The following FCSK variants were observed in gnomAD, a reference collection of about 807,000 sequenced individuals.
The protein encoded by FCSK is fucose kinase.
FCSK carries 123 observed loss-of-function variants against 122.5 expected under a neutral mutation model. That is an observed-to-expected ratio of 1.00 (90% CI 0.87 to 1.17). FCSK has a LOEUF of 1.17. Among genes scored for constraint, FCSK ranks in the 50% most tolerant of loss-of-function variants. The pLI is 0.00. For synonymous variants in FCSK, 620 were observed against 625.5 expected (o/e 0.99, Z 0.13); for missense variants, 1,366 against 1,450.4 (o/e 0.94, Z 0.95).
chr16:70,469,344 C>A (rs1391984397), intron 10 of FCSK, 21 bp downstream of exon 10: 22 of 1,565,284 alleles, frequency 1.4e-5, no homozygotes, highest in Non-Finnish European at 1.9e-5. Flanking sequence ...CCTCTCAGCT[C>A]CCTGGGGTGG....
intron 1 of FCSK, among the ~76,000 whole-genome samples, chr16:70,458,132 G>A (rs1480906085): frequency 6.7e-6 from 1 of 149,174 alleles, no homozygotes; most frequent in Admixed American, 6.7e-5. Context: ...AGTCCTAGTG[G>A]CTATTATTAA....
chr16:70,474,836 T>C lies in FCSK; in HGVS notation c.2202T>C (p.Ala734=). The C allele has an allele frequency of 1.3e-6, 2 of 1,594,360 alleles. No individual in the cohort carries two copies. The highest frequency in any genetic ancestry group is 2.7e-5 in the African/African-American group (2 of 74,708). ...CCCTTGCCTATGAGCTTGGCGGGGC[T>C]GTGCTGGGCCTGGCTGTGCGAGTGG... ...TPPLAYELGG[A]VLGLAVRVDG... Residue 734 remains alanine (A), a synonymous_variant, in exon 18 of 24, where the codon GCT becomes GCC. Coordinates refer to ENST00000288078, the MANE Select transcript of FCSK (RefSeq NM_145059.3).
At position 70,473,014 on chromosome 16, in the gene FCSK, C is replaced by G. The variant is rs750773096; in HGVS notation, c.1438C>G (p.Pro480Ala). Residue 480 changes from proline (P) to alanine (A), a missense_variant, in exon 15 of 24, where the codon CCC (proline) becomes GCC (alanine). Physicochemically the swap from Pro to Ala is conservative, Grantham distance 27. Transcript: ENST00000288078. This position sits in a 1 kb window ranked among gnomAD's most constrained non-coding sequence, Gnocchi z 4.9. ...GGACCTGTGGGACCCTGAGACGCTG[C>G]CCGCAGAGTACTGCCTTCCCAGCGC... ...AWDLWDPETL[P>A]AEYCLPSARL... 2.5e-6 allele frequency: 4 copies of G among 1,599,382 alleles called. No homozygotes were observed. In the Admixed American group the frequency reaches 6.9e-5, roughly 27 times the overall value.
At position 70,469,176 on chromosome 16, in the gene FCSK, C is replaced by T; in HGVS notation, c.808C>T (p.His270Tyr). The change falls in exon 10 of 24, where the codon CAC (histidine) becomes TAC (tyrosine). Residue 270 changes from histidine to tyrosine, a missense_variant. Transcript: ENST00000288078. ...VQLSLFFDIL[H>Y]CMAENVTRED... ...GCTGTCTCTGTTTTTTGACATTCTC[C>T]ACTGCATGGCTGAGAACGTGACCAG... 6.2e-7 allele frequency: 1 copy of T among 1,614,152 alleles called. No homozygotes were observed. The highest frequency in any genetic ancestry group is 8.5e-7 in the Non-Finnish European group (1 of 1,180,030).
At chr16:70,459,559 A>G (rs2151699678) in intron 1 of FCSK, among the ~76,000 whole-genome samples, 1 of 152,178 alleles carries the variant, frequency 6.6e-6, no homozygotes, top group Non-Finnish European at 1.5e-5. Context: ...AAGGTAATAA[A>G]ATAGATACTC....
In FCSK at chr16:70,469,442, C is replaced by T. The variant is rs1484857681; in HGVS notation, c.955+119C>T. On this transcript the variant is annotated intron_variant, in intron 10 of 23. Transcript: ENST00000288078. The stretch of plus-strand genomic sequence containing the variant: ...CCAGCACAGGGACTGGGCAGTTCTC[C>T]TGTCCTGTGCCAGAGCCCCCCACTG... 9.7e-6 allele frequency: 9 copies of T among 930,144 alleles called. No homozygotes were observed. The African/African-American group carries it at 1.2e-4, about 12-fold the overall frequency. 57.6% of individuals were successfully genotyped at this position (930,144 alleles called of 1,614,324 possible). A position where few individuals can be genotyped will look rare whatever the true frequency, so the allele number is the denominator to read the frequency against.
At chr16:70,467,808 T>TG in intron 7 of FCSK, 78 bp from the exon 8 acceptor site, 1 of 1,244,084 alleles carries the variant, frequency 8.0e-7, no homozygotes, top group Non-Finnish European at 1.2e-6. Flanking sequence ...AGAATGCCCT[T>TG]GCTGCCACCT....
chr16:70,463,762 G>A lies in FCSK; in HGVS notation c.222G>A (p.Arg74=), dbSNP rs1269358756. The stretch of plus-strand genomic sequence containing the variant: ...TGGCTGCTGAACACCTGAGTGCCCG[G>A]GCAGGCTTCACTGTGAGTGCTCACC... ...LLVAAEHLSA[R]AGFTVVTSDV... The change falls in exon 3 of 24, where the codon CGG becomes CGA. Residue 74 remains arginine, a synonymous_variant. Transcript: ENST00000288078. 1.9e-6 allele frequency: 3 copies of A among 1,610,154 alleles called. No homozygotes were observed. The highest frequency in any genetic ancestry group is 2.5e-6 in the Non-Finnish European group (3 of 1,179,128).
chr16:70,454,928 C>T (rs1195390586), intron 1 of FCSK: 1 of 152,220 alleles, frequency 6.6e-6, no homozygotes, highest in African/African-American at 2.4e-5. Flanking sequence ...AGAGGATCCT[C>T]ACCCTGAGGC....
chr16:70,461,539 C>T (rs1405565951), intron 1 of FCSK, among the ~76,000 whole-genome samples: 5 of 152,072 alleles, frequency 3.3e-5, no homozygotes, highest in African/African-American at 1.2e-4. Context: ...AGGAAGATGG[C>T]GGGCAGGTAG....
At chr16:70,464,990 C>T (rs570216865) in intron 3 of FCSK, 136 bp from the exon 4 acceptor site, 9 of 1,545,430 alleles carry the variant, frequency 5.8e-6, no homozygotes, top group African/African-American at 2.7e-5. Flanking sequence ...TGCCTGTGGC[C>T]ATTGGTTTGA....
chr16:70,467,361 C>G lies in FCSK; in HGVS notation c.485-13C>G, dbSNP rs764978586. ...GAGGCCCCTGGGAGCCTCCTGACTG[C>G]CCCACCCCACAGGTATCAGCTGGGA... is the stretch of plus-strand genomic sequence containing the variant. On this transcript the variant is annotated splice_polypyrimidine_tract_variant and intron_variant, in intron 6 of 23. Coordinates refer to ENST00000288078, the MANE Select transcript of FCSK (RefSeq NM_145059.3). 6 of 1,591,962 alleles carry G rather than the reference C, an allele frequency of 3.8e-6. No homozygotes were observed. The highest frequency in any genetic ancestry group is 5.1e-6 in the Non-Finnish European group (6 of 1,167,380).
chr16:70,461,563 G>A (rs1339720188), intron 1 of FCSK, among the ~76,000 whole-genome samples: 1 of 152,122 alleles, frequency 6.6e-6, no homozygotes, highest in African/African-American at 2.4e-5. Context: ...TGCAGCCCCC[G>A]CTGGGCTGGC....
At chr16:70,455,376 T>C (rs1160772875) in intron 1 of FCSK, among the ~76,000 whole-genome samples, 7 of 151,872 alleles carry the variant, frequency 4.6e-5, no homozygotes, top group Non-Finnish European at 1.0e-4. Context: ...TCCCAGCTAC[T>C]TGGGAGGCTG....
intron 6 of FCSK, 77 bp downstream of exon 6, chr16:70,467,031 C>A: frequency 7.3e-7 from 1 of 1,373,250 alleles, no homozygotes; most frequent in Non-Finnish European, 1.0e-6. Context: ...TTCTTGCCCA[C>A]CCTGCCTCTG....
Position 70,475,776 on chromosome 16 carries a change from C to T in FCSK, c.2641+9C>T. 1 of 1,562,218 alleles carries T rather than the reference C, an allele frequency of 6.4e-7. No individual in the cohort carries two copies. On this transcript the variant is annotated intron_variant, in intron 20 of 23. Coordinates refer to ENST00000288078, the MANE Select transcript of FCSK (RefSeq NM_145059.3). Reference sequence around the variant, plus strand: ...GCAGGTGCTCACCACTGGTATGTGACTGCCCTGGAGTTGGAGGAGGTCACT... The same window carrying T: ...GCAGGTGCTCACCACTGGTATGTGATTGCCCTGGAGTTGGAGGAGGTCACT...
chr16:70,472,567 C>A lies in FCSK; in HGVS notation c.1368C>A (p.Asn456Lys). The A allele has an allele frequency of 6.2e-7, 1 of 1,613,242 alleles. No homozygotes were observed. The highest frequency in any genetic ancestry group is 8.5e-7 in the Non-Finnish European group (1 of 1,179,586). ...WERQGAGTYL[N>K]VPWSEFFKRT... ...GACAGGGGGCAGGCACATATCTCAACGTGCCCTGGAGTGAATTCTTCAAGA... is the reference window on the plus strand; with the variant it reads ...GACAGGGGGCAGGCACATATCTCAAAGTGCCCTGGAGTGAATTCTTCAAGA... Residue 456 changes from asparagine (N) to lysine (K), a missense_variant, in exon 14 of 24, where the codon AAC becomes AAA. Coordinates refer to ENST00000288078, the MANE Select transcript of FCSK (RefSeq NM_145059.3).
At position 70,479,749 on chromosome 16, in the gene FCSK, G is replaced by A; in HGVS notation, c.*69G>A. On this transcript the variant is annotated 3_prime_UTR_variant, in exon 24 of 24. Transcript: ENST00000288078. The stretch of plus-strand genomic sequence containing the variant: ...GTCCCCCACCTTCCTTGCCCCATGG[G>A]AACCTCCACCTCCTACTCCCCACCC... 1.6e-6 allele frequency: 2 copies of A among 1,262,578 alleles called. No homozygotes were observed. Among genetic ancestry groups the A allele is most frequent in the South Asian group, 1.3e-5 (1 of 76,452 alleles). The allele number at this position is 1,262,578 out of a possible 1,614,324, so 78.2% of individuals were successfully genotyped here. A position where few individuals can be genotyped will look rare whatever the true frequency, so the allele number is the denominator to read the frequency against.
chr16:70,459,396 G>A (rs1220511010), intron 1 of FCSK, among the ~76,000 whole-genome samples: 1 of 151,886 alleles, frequency 6.6e-6, no homozygotes, highest in East Asian at 1.9e-4. Flanking sequence ...AATTAGTCAG[G>A]CGTGGTGGCA....
Sources: gnomAD v4.1 joint callset for allele counts (sites outside exome capture counted in the v4.1 genomes callset) on GRCh38, gnomAD v4.1.1 for gene constraint, Gnocchi (gnomAD v3.1) non-coding constraint, MANE v1.5 for transcripts, NCBI Gene and HGNC (gene_info 2026-07-23, HGNC 2026-07-21) for gene names.